Variants in RYR1 observed in about 807,000 individuals in gnomAD.
RYR1 encodes ryanodine receptor 1, also known as central core disease of muscle.
In RYR1, 342 loss-of-function variants were observed where a neutral mutation model predicts 583.5. The observed-to-expected ratio is 0.59, with a 90% confidence interval of 0.54 to 0.64. The LOEUF (loss-of-function observed/expected upper bound fraction) is 0.64, where lower values mean the gene tolerates loss of function less well. RYR1 is among the 30% of genes least tolerant of loss of function. RYR1 has a pLI of 0.00. For missense variants in RYR1, 6,032 were observed against 6,917.2 expected, an observed-to-expected ratio of 0.87 and a Z score of 4.54; for synonymous variants, 2,791 against 2,822.5, an observed-to-expected ratio of 0.99 and a Z score of 0.35.
At chr19:38,452,759 C>A in intron 12 of RYR1, 60 bp from the exon 13 acceptor site, 1 of 1,473,116 alleles carries the variant, frequency 6.8e-7, no homozygotes, top group Non-Finnish European at 9.2e-7. Context: ...GAGGTTGCGG[C>A]AGTGACGTTG....
intron 95 of RYR1, among the ~76,000 whole-genome samples, 192 bp from the exon 96 acceptor site, chr19:38,572,985 A>C (rs1599650810): frequency 1.4e-5 from 2 of 139,524 alleles, no homozygotes; most frequent in African/African-American, 2.7e-5. Flanking sequence ...CCCTGCCCTG[A>C]CCCCTCTGCC....
At chr19:38,573,103 G>A in intron 95 of RYR1, 74 bp from the exon 96 acceptor site, 6 of 1,604,482 alleles carry the variant, frequency 3.7e-6, no homozygotes. Flanking sequence ...CCAGCAAGAT[G>A]TCATGGCTTC....
intron 71 of RYR1, 42 bp downstream of exon 71, chr19:38,525,544 C>T: frequency 1.2e-6 from 2 of 1,601,270 alleles, no homozygotes; most frequent in Non-Finnish European, 1.7e-6. Flanking sequence ...CAGGATGCCG[C>T]CCAGCACCCA....
At position 38,491,370 on chromosome 19, in the gene RYR1, CATT is replaced by C. The variant is rs1969542775; in HGVS notation, c.6127+641_6127+643del. On this transcript the variant is annotated intron_variant, in intron 37 of 105. Transcript: ENST00000359596. ...CCCTTTCCTCTTCCTCTGGGACTCT[CATT>C]ATGCATATATTGGTACACTTGATGG... Among the ~76,000 whole-genome samples the C allele has an allele frequency of 4.0e-5, 6 of 151,494 alleles. No homozygotes were observed. In the South Asian group the frequency reaches 8.3e-4, roughly 21 times the overall value.
At chr19:38,520,102 G>T (rs779043911) in intron 67 of RYR1, among the ~76,000 whole-genome samples, 9 of 147,846 alleles carry the variant, frequency 6.1e-5, no homozygotes, top group Non-Finnish European at 1.3e-4. Context: ...TTGAGACAGG[G>T]TCTCTCTCTG....
intron 87 of RYR1, 55 bp from the exon 88 acceptor site, chr19:38,546,390 C>T: frequency 6.7e-7 from 1 of 1,493,474 alleles, no homozygotes; most frequent in Non-Finnish European, 9.3e-7. Context: ...GGAGAAGCAA[C>T]AGAGGTGGGG....
chr19:38,467,918 G>A (rs571400241), intron 25 of RYR1, 106 bp downstream of exon 25: 13 of 994,160 alleles, frequency 1.3e-5, no homozygotes, highest in Non-Finnish European at 1.8e-5. Context: ...CCCACTTCAT[G>A]CATCTACTGT....
At position 38,507,020 on chromosome 19, in the gene RYR1, G is replaced by A. The variant is rs905860575; in HGVS notation, c.8816+68G>A. 9 of 1,608,296 alleles carry A rather than the reference G, an allele frequency of 5.6e-6. No homozygotes were observed. The African/African-American group carries it at 1.1e-4, about 19-fold the overall frequency. ...ACACCCGGCAAAGGCTGGAAGGGGCGGGGCCAGAGAGGGGTGGAGCCGAGA... is the reference window on the plus strand; with the variant it reads ...ACACCCGGCAAAGGCTGGAAGGGGCAGGGCCAGAGAGGGGTGGAGCCGAGA... On this transcript the variant is annotated intron_variant, in intron 57 of 105. Transcript: ENST00000359596.
At chr19:38,509,370 T>A (rs1004158140) in intron 58 of RYR1, among the ~76,000 whole-genome samples, 3 of 152,008 alleles carry the variant, frequency 2.0e-5, no homozygotes, top group African/African-American at 7.2e-5. Context: ...AAGGAGACTG[T>A]GTGAGGATGA....
chr19:38,488,411 C>A (rs1215273084), intron 34 of RYR1, among the ~76,000 whole-genome samples: 3 of 152,124 alleles, frequency 2.0e-5, no homozygotes, highest in African/African-American at 7.2e-5. Context: ...TCCAATCCTC[C>A]CTCCATTCAT....
At chr19:38,586,970 C>CA (rs113697447) in intron 105 of RYR1, among the ~76,000 whole-genome samples, 3 of 151,398 alleles carry the variant, frequency 2.0e-5, no homozygotes, top group African/African-American at 7.3e-5. Context: ...TACTCCATCT[C>CA]AAAAAAAATG....
intron 7 of RYR1, among the ~76,000 whole-genome samples, chr19:38,446,008 G>T (rs917094357): frequency 2.6e-5 from 4 of 151,812 alleles, no homozygotes; most frequent in African/African-American, 7.3e-5. Context: ...TAAACAAAAC[G>T]AAACAAAAAA....
intron 97 of RYR1, among the ~76,000 whole-genome samples, chr19:38,577,409 C>G (rs1170064936): frequency 6.6e-6 from 1 of 152,084 alleles, no homozygotes; most frequent in Non-Finnish European, 1.5e-5. Flanking sequence ...ACCTGGGATC[C>G]CGTGTTAAAC....
In RYR1 at chr19:38,504,610, G is replaced by T. The variant is rs1005198267; in HGVS notation, c.8068-138G>T. ...AGCATACAATTGGGACTGACATTTG[G>T]GTTTCAAGGAGAGGGACCATAATTC... On this transcript the variant is annotated intron_variant, in intron 50 of 105. Transcript: ENST00000359596. 4.0e-6 allele frequency: 5 copies of T among 1,236,232 alleles called. No homozygotes were observed. The East Asian group carries it at 1.0e-4, about 25-fold the overall frequency. 76.6% of individuals were successfully genotyped at this position (1,236,232 alleles called of 1,614,324 possible).
Position 38,537,869 on chromosome 19 carries a change from C to T in RYR1, c.11609-11C>T. ...ACCCCTCCTGGGCCCTGTCCCCTCC[C>T]TTCCACCTAGGAGAGAAGGTCATGG... On this transcript the variant is annotated splice_polypyrimidine_tract_variant and intron_variant, in intron 83 of 105. Coordinates refer to ENST00000359596, the MANE Select transcript of RYR1 (RefSeq NM_000540.3). 4 of 1,613,764 alleles carry T rather than the reference C, an allele frequency of 2.5e-6. No individual in the cohort carries two copies. Among genetic ancestry groups the T allele is most frequent in the Non-Finnish European group, 3.4e-6 (4 of 1,179,914 alleles).
At chr19:38,583,016 G>A (rs1252349572) in intron 101 of RYR1, among the ~76,000 whole-genome samples, 1 of 152,166 alleles carries the variant, frequency 6.6e-6, no homozygotes, top group Non-Finnish European at 1.5e-5. Flanking sequence ...ACAAGTGTAT[G>A]CCGGGCGCTG....
intron 30 of RYR1, 143 bp downstream of exon 30, chr19:38,478,013 C>A (rs1968824361): frequency 3.8e-6 from 3 of 799,438 alleles, no homozygotes; most frequent in African/African-American, 1.7e-5. Flanking sequence ...CACTGGGCAC[C>A]CAGCTCGGAA....
intron 1 of RYR1, among the ~76,000 whole-genome samples, chr19:38,438,877 G>A (rs1019749941): frequency 6.6e-6 from 1 of 151,854 alleles, no homozygotes; most frequent in African/African-American, 2.4e-5. Context: ...CTTGTCCTCC[G>A]AAAGTGCTGG....
Position 38,443,928 on chromosome 19 carries a change from G to A in RYR1, c.424+132G>A, listed in dbSNP as rs1052018493. ...ATGAATGGGGGCTTCGTAGCAGAGAGTCTGCGGTACAGTCCAGACAGGGAG... is the reference window on the plus strand; with the variant it reads ...ATGAATGGGGGCTTCGTAGCAGAGAATCTGCGGTACAGTCCAGACAGGGAG... On this transcript the variant is annotated intron_variant, in intron 5 of 105. Transcript: ENST00000359596. 10 of 896,520 alleles carry A rather than the reference G, an allele frequency of 1.1e-5. No homozygotes were observed. The African/African-American group carries it at 1.6e-4, about 15-fold the overall frequency. The allele number at this position is 896,520 out of a possible 1,614,324, so 55.5% of individuals were successfully genotyped here.
Sources: allele counts gnomAD v4.1 joint callset (sites outside exome capture counted in the v4.1 genomes callset), GRCh38; gene constraint gnomAD v4.1.1; transcripts MANE v1.5; gene names NCBI Gene and HGNC (gene_info 2026-07-23, HGNC 2026-07-21).